The following TMEM135 variants were observed in gnomAD, a reference collection of about 807,000 sequenced individuals.
TMEM135 encodes the protein peroxisomal membrane protein 52.
In TMEM135, 30 loss-of-function variants were observed where a neutral mutation model predicts 60.3. The observed-to-expected ratio is 0.50, with a 90% CI of 0.37 to 0.68. The LOEUF is 0.68. Ranked by LOEUF, TMEM135 falls within the 30% of genes least tolerant of loss-of-function variation. The probability of loss-of-function intolerance (pLI) is 0.00; values close to 1 mark genes in which losing one functional copy is unlikely to be tolerated. For missense variants in TMEM135, 468 were observed against 548.8 expected, an observed-to-expected ratio of 0.85 and a Z score of 1.47; for synonymous variants, 190 against 186.7, an observed-to-expected ratio of 1.02 and a Z score of -0.14.
Position 87,324,239 on chromosome 11 carries a change from A to G in TMEM135, c.*2906A>G, listed in dbSNP as rs1942879433. ...GTGCTCTACATTTCATAGGTAATGA[A>G]AAGCAATGTCCTTTACTCTCAGGGA... On this transcript the variant is annotated 3_prime_UTR_variant, in exon 15 of 15. Transcript: ENST00000305494. 2 of 453,962 alleles carry G rather than the reference A, an allele frequency of 4.4e-6. No homozygotes were observed. The highest frequency in any genetic ancestry group is 2.4e-5 in the Admixed American group (1 of 42,548). 28.1% of individuals were successfully genotyped at this position (453,962 alleles called of 1,614,324 possible).
intron 1 of TMEM135, among the ~76,000 whole-genome samples, chr11:87,038,711 G>T (rs1222467994): frequency 6.6e-6 from 1 of 150,662 alleles, no homozygotes; most frequent in Non-Finnish European, 1.5e-5. Context: ...TGTGATTTGG[G>T]GGTTTTGCAA....
At chr11:87,166,744 C>G (rs141111060) in intron 5 of TMEM135, among the ~76,000 whole-genome samples, 3,448 of 130,950 alleles carry the variant, frequency 0.026, 244 homozygotes, top group African/African-American at 0.097. Flanking sequence ...AGTGTGATGC[C>G]TCCAGTTTTG....
chr11:87,238,455 C>A (rs1205633706), intron 6 of TMEM135, among the ~76,000 whole-genome samples: 1 of 151,910 alleles, frequency 6.6e-6, no homozygotes, highest in Non-Finnish European at 1.5e-5. Flanking sequence ...GATTTTGTAT[C>A]AGTCATTGGG....
intron 4 of TMEM135, among the ~76,000 whole-genome samples, chr11:87,137,450 TAA>T (rs1443659578): frequency 1.3e-5 from 2 of 152,178 alleles, no homozygotes; most frequent in East Asian, 1.9e-4. Context: ...TCACATATGC[TAA>T]GTTTGCCTAC....
intron 5 of TMEM135, among the ~76,000 whole-genome samples, chr11:87,188,666 T>G (rs1030121576): frequency 2.7e-5 from 4 of 149,566 alleles, no homozygotes; most frequent in Non-Finnish European, 4.4e-5. Context: ...ATCGCGCCAT[T>G]GCACTCCAGC....
At chr11:87,206,706 T>C (rs1940242404) in intron 5 of TMEM135, among the ~76,000 whole-genome samples, 1 of 152,194 alleles carries the variant, frequency 6.6e-6, no homozygotes, top group African/African-American at 2.4e-5. Context: ...ACAAGTTTAA[T>C]ATTTAAACGT....
intron 4 of TMEM135, among the ~76,000 whole-genome samples, chr11:87,143,963 T>C (rs1458022284): frequency 1.3e-5 from 2 of 152,212 alleles, no homozygotes; most frequent in East Asian, 3.8e-4. Context: ...TCGCATTTTG[T>C]TGTTCTTCCA....
In TMEM135 at chr11:87,216,197, G is replaced by C. The variant is rs137955301; in HGVS notation, c.463-20441G>C. 8.7e-4 allele frequency among the ~76,000 whole-genome samples: 133 copies of C among 152,256 alleles called. 1 individual carries two copies. The highest frequency in any genetic ancestry group is 5.6e-4 in the Non-Finnish European group (38 of 68,012). On this transcript the variant is annotated intron_variant, in intron 5 of 14. Transcript: ENST00000305494. ...GGGGTCTTGGAATGGATCCCCTGCGGATAAGGGGGGACTACAGTCTTTTTG... is the reference window on the plus strand; with the variant it reads ...GGGGTCTTGGAATGGATCCCCTGCGCATAAGGGGGGACTACAGTCTTTTTG...
chr11:87,318,516 A>T (rs1435808940), intron 13 of TMEM135, among the ~76,000 whole-genome samples: 1 of 152,098 alleles, frequency 6.6e-6, no homozygotes, highest in East Asian at 1.9e-4. Flanking sequence ...CCTTGGGAAG[A>T]ATGCCCCAAT....
intron 6 of TMEM135, among the ~76,000 whole-genome samples, chr11:87,266,154 A>G (rs772078413): frequency 4.6e-5 from 7 of 152,202 alleles, no homozygotes; most frequent in Admixed American, 4.6e-4. Flanking sequence ...AAATCTACAT[A>G]TGCTCTTGAG....
At chr11:87,084,727 A>T (rs188028290) in intron 3 of TMEM135, among the ~76,000 whole-genome samples, 1 of 152,336 alleles carries the variant, frequency 6.6e-6, no homozygotes, top group Admixed American at 6.5e-5. Context: ...ACAATGAGAA[A>T]AGCTTATGTG....
chr11:87,101,883 G>A (rs61904188), intron 4 of TMEM135, among the ~76,000 whole-genome samples: 2,734 of 152,274 alleles, frequency 0.018, 38 homozygotes, highest in Middle Eastern at 0.037. Context: ...TGAGGCAGGA[G>A]AATAGCTTGA....
chr11:87,310,616 G>T (rs1401755116), intron 10 of TMEM135, among the ~76,000 whole-genome samples: 2 of 140,552 alleles, frequency 1.4e-5, no homozygotes, highest in Non-Finnish European at 3.1e-5. Flanking sequence ...TAAAAAAAAA[G>T]TTGCAATTAA....
intron 10 of TMEM135, among the ~76,000 whole-genome samples, chr11:87,310,834 A>G (rs1331397656): frequency 6.6e-6 from 1 of 151,762 alleles, no homozygotes; most frequent in East Asian, 1.9e-4. Context: ...TTTTGCCTTA[A>G]TTTTACTCTA....
intron 7 of TMEM135, among the ~76,000 whole-genome samples, chr11:87,296,279 T>C (rs1175011082): frequency 2.6e-5 from 4 of 152,224 alleles, no homozygotes; most frequent in Non-Finnish European, 5.9e-5. Flanking sequence ...AATTGGCACA[T>C]AGTATATACT....
At chr11:87,226,376 A>G (rs1940764991) in intron 5 of TMEM135, among the ~76,000 whole-genome samples, 1 of 152,010 alleles carries the variant, frequency 6.6e-6, no homozygotes, top group African/African-American at 2.4e-5. Flanking sequence ...TGACCATTGA[A>G]TTTTCTTTTA....
At chr11:87,125,926 A>G (rs1253718789) in intron 4 of TMEM135, among the ~76,000 whole-genome samples, 2 of 152,256 alleles carry the variant, frequency 1.3e-5, no homozygotes, top group Non-Finnish European at 2.9e-5. Flanking sequence ...TAAAATTTAT[A>G]CTGATTTTAC....
intron 3 of TMEM135, among the ~76,000 whole-genome samples, chr11:87,082,977 G>T (rs1460564879): frequency 6.6e-6 from 1 of 152,078 alleles, no homozygotes; most frequent in South Asian, 2.1e-4. Context: ...TCTCTATCTG[G>T]ATATAGATAT....
Position 87,196,431 on chromosome 11 carries a change from A to G in TMEM135, c.462+39025A>G, listed in dbSNP as rs539900671. ...AGTTTGGCACAGATGCTGAGGAAAT[A>G]CTATTAAAAAGTGATCAAGTTCCAA... On this transcript the variant is annotated intron_variant, in intron 5 of 14. Transcript: ENST00000305494. Among the ~76,000 whole-genome samples the G allele has an allele frequency of 9.9e-5, 15 of 152,276 alleles. No homozygotes were observed. In the Middle Eastern group the frequency reaches 0.01, roughly 104 times the overall value.
Sources: allele counts gnomAD v4.1 joint callset (sites outside exome capture counted in the v4.1 genomes callset), GRCh38; gene constraint gnomAD v4.1.1; transcripts MANE v1.5; gene names NCBI Gene and HGNC (gene_info 2026-07-23, HGNC 2026-07-21).